RASGRF1: variants seen among roughly 807,000 people sequenced by gnomAD.
The protein encoded by RASGRF1 is Ras protein specific guanine nucleotide releasing factor 1.
A neutral mutation model predicts 138.7 loss-of-function variants in RASGRF1; 40 were observed. The observed-to-expected ratio is 0.29, with a 90% CI of 0.22 to 0.38. The LOEUF is 0.38. Among genes scored for constraint, RASGRF1 ranks in the 10% least tolerant of loss-of-function variants. The pLI is 1.00. For missense variants in RASGRF1, 1,108 were observed against 1,650.4 expected (o/e 0.67, Z 5.69); for synonymous variants, 614 against 663.2 (o/e 0.93, Z 1.14).
At position 78,998,722 on chromosome 15, in the gene RASGRF1, A is replaced by G. The variant is rs752710613; in HGVS notation, c.2850T>C (p.Ser950=). Residue 950 remains serine, a synonymous_variant, in exon 18 of 27, where the codon TCT becomes TCC. Transcript: ENST00000558480. ...NVLRHWVSKH[S]QDFETNDELK... Reference sequence around the variant, plus strand: ...CCCAGGGAGGGCTCCCACCCACCTGAGAGTGCTTGGACACCCAGTGGCGGA... The same window carrying G: ...CCCAGGGAGGGCTCCCACCCACCTGGGAGTGCTTGGACACCCAGTGGCGGA... The G allele has an allele frequency of 1.2e-5, 19 of 1,612,712 alleles. No homozygotes were observed. The highest frequency in any genetic ancestry group is 1.6e-5 in the Non-Finnish European group (19 of 1,178,694).
intron 26 of RASGRF1, among the ~76,000 whole-genome samples, chr15:78,970,621 C>CAAAAAAAAAAAAAAAA (rs55689628): frequency 2.1e-4 from 12 of 57,898 alleles, no homozygotes; most frequent in South Asian, 6.5e-4. Flanking sequence ...GACTCTGTCT[C>CAAAAAAAAAAAAAAAA]AAAAAAAAAA....
At chr15:78,978,717 A>G in intron 24 of RASGRF1, 34 of 1,090,608 alleles carry the variant, frequency 3.1e-5, no homozygotes, top group South Asian at 5.2e-5. Context: ...TTCATGCAAC[A>G]CCGCTCTTTG....
At chr15:78,982,565 G>A (rs891725142) in intron 23 of RASGRF1, among the ~76,000 whole-genome samples, 2 of 152,156 alleles carry the variant, frequency 1.3e-5, no homozygotes, top group African/African-American at 4.8e-5. Context: ...CTCTGTTAGA[G>A]TGTGGACACC....
chr15:78,984,917 T>C, intron 23 of RASGRF1, 90 bp downstream of exon 23: 4 of 1,407,358 alleles, frequency 2.8e-6, no homozygotes, highest in Non-Finnish European at 4.0e-6. Flanking sequence ...TTTGCCCACT[T>C]GTGGATGCCC....
At position 79,090,731 on chromosome 15, in the gene RASGRF1, C is replaced by G. The variant is rs975369669; in HGVS notation, c.-233G>C. ...TCTCCGCTCCGCAGAGCCCCAGTACCCGGAAGATGCCGCCCGACCCTCCTC... is the reference window on the plus strand; with the variant it reads ...TCTCCGCTCCGCAGAGCCCCAGTACGCGGAAGATGCCGCCCGACCCTCCTC... On this transcript the variant is annotated 5_prime_UTR_variant, in exon 1 of 27. Coordinates refer to ENST00000558480, the MANE Select transcript of RASGRF1 (RefSeq NM_001145648.3). The G allele has an allele frequency of 1.7e-6, 1 of 578,520 alleles. No homozygotes were observed. The highest frequency in any genetic ancestry group is 4.7e-4 in the Middle Eastern group (1 of 2,148). 35.8% of individuals were successfully genotyped at this position (578,520 alleles called of 1,614,324 possible). A position where few individuals can be genotyped will look rare whatever the true frequency, so the allele number is the denominator to read the frequency against.
intron 1 of RASGRF1, among the ~76,000 whole-genome samples, chr15:79,069,464 G>A (rs2057725832): frequency 6.6e-6 from 1 of 152,158 alleles, no homozygotes; most frequent in Middle Eastern, 3.2e-3. Context: ...TCCCAATGTA[G>A]ACTCACCCCA....
intron 8 of RASGRF1, among the ~76,000 whole-genome samples, chr15:79,030,865 G>C (rs2057126198): frequency 6.6e-6 from 1 of 152,242 alleles, no homozygotes; most frequent in Admixed American, 6.5e-5. Flanking sequence ...CCCTGTGTCT[G>C]CCCTTGCAGA....
rs188981795 is a variant in RASGRF1, at chr15:78,969,529, C to T, written c.3681+2337G>A. ...ACTAAACGTACAAAAATTAGCCGGG[C>T]GTGGTGGCTCACACCTGTAGTCCCA... On this transcript the variant is annotated intron_variant, in intron 26 of 26. Transcript: ENST00000558480. Among the ~76,000 whole-genome samples, 94 of 152,194 alleles carry T rather than the reference C, an allele frequency of 6.2e-4. 1 individual carries two copies. The highest frequency in any genetic ancestry group is 2.2e-3 in the African/African-American group (90 of 41,532).
intron 9 of RASGRF1, among the ~76,000 whole-genome samples, chr15:79,026,911 G>C (rs28494503): frequency 0.48 from 73,580 of 151,946 alleles, 19,076 homozygotes; most frequent in South Asian, 0.64. Context: ...AAGGATGTAG[G>C]GGCCACCACA....
chr15:78,995,746 C>G lies in RASGRF1; in HGVS notation c.3021G>C (p.Thr1007=). The change falls in exon 20 of 27, where the codon ACG becomes ACC. Residue 1007 remains threonine, a synonymous_variant. Transcript: ENST00000558480. ...GAGGGCAGGCCCAGCTCACCATCTG[C>G]GTGATCTCCTCCAGCGTGATCTGGT... is the stretch of plus-strand genomic sequence containing the variant. ...GDNQITLEEI[T]QMAEGVKAEP... The G allele has an allele frequency of 6.2e-7, 1 of 1,614,184 alleles. No individual in the cohort carries two copies. Among genetic ancestry groups the G allele is most frequent in the East Asian group, 2.2e-5 (1 of 44,876 alleles).
At chr15:79,059,998 AC>A (rs2057580919) in intron 2 of RASGRF1, among the ~76,000 whole-genome samples, 1 of 120,828 alleles carries the variant, frequency 8.3e-6, no homozygotes, top group African/African-American at 3.3e-5. Flanking sequence ...ACAGACACAC[AC>A]ACACACACAC....
At chr15:79,082,441 T>A (rs1043464269) in intron 1 of RASGRF1, among the ~76,000 whole-genome samples, 3 of 152,208 alleles carry the variant, frequency 2.0e-5, no homozygotes, top group African/African-American at 7.2e-5. Flanking sequence ...GTGATCATCA[T>A]GAGCAGTGGC....
chr15:78,991,528 C>G (rs1020992715), intron 21 of RASGRF1, among the ~76,000 whole-genome samples, 163 bp downstream of exon 21: 19 of 152,102 alleles, frequency 1.2e-4, no homozygotes. Flanking sequence ...TGGGCAGGAA[C>G]GGGAACAGGC....
chr15:79,011,638 C>T (rs774284016), intron 13 of RASGRF1, among the ~76,000 whole-genome samples: 7 of 152,194 alleles, frequency 4.6e-5, no homozygotes, highest in Non-Finnish European at 1.0e-4. Flanking sequence ...AGAGAGAGGG[C>T]AATTCTGTGC....
intron 1 of RASGRF1, among the ~76,000 whole-genome samples, chr15:79,090,011 C>T (rs1442218816): frequency 6.6e-6 from 1 of 152,240 alleles, no homozygotes; most frequent in Non-Finnish European, 1.5e-5. Flanking sequence ...CAGCCCACAT[C>T]TACTCCCCGC....
intron 13 of RASGRF1, 149 bp downstream of exon 13, chr15:79,015,178 C>T: frequency 1.4e-6 from 1 of 696,914 alleles, no homozygotes; most frequent in Non-Finnish European, 2.3e-6. Context: ...TCAAAACAAA[C>T]AAACAAGAAA....
intron 3 of RASGRF1, among the ~76,000 whole-genome samples, chr15:79,056,648 ATGTCGTGAAGGT>A (rs778346831): frequency 6.6e-6 from 1 of 152,204 alleles, no homozygotes; most frequent in Admixed American, 6.5e-5. Flanking sequence ...GAATGAAAGT[ATGTCGTGAAGGT>A]GCCTGTTATC....
At chr15:78,987,085 A>T (rs2056174884) in intron 22 of RASGRF1, among the ~76,000 whole-genome samples, 1 of 152,252 alleles carries the variant, frequency 6.6e-6, no homozygotes, top group South Asian at 2.1e-4. Context: ...CTGAGACCAG[A>T]GATGGATAAT....
intron 13 of RASGRF1, 56 bp downstream of exon 13, chr15:79,015,271 T>C (rs537134498): frequency 1.8e-4 from 277 of 1,527,774 alleles, no homozygotes; most frequent in Non-Finnish European, 2.3e-4. Flanking sequence ...GCTGTCACCT[T>C]GTGGTACTCA....
Sources: gnomAD v4.1 joint callset for allele counts (sites outside exome capture counted in the v4.1 genomes callset) on GRCh38, gnomAD v4.1.1 for gene constraint, MANE v1.5 for transcripts, NCBI Gene and HGNC (gene_info 2026-07-23, HGNC 2026-07-21) for gene names.